CSMD3: variants seen among roughly 807,000 people sequenced by gnomAD.
CSMD3 encodes the protein CUB and sushi domain-containing protein 3.
Under a neutral mutation model 435.2 loss-of-function variants are expected in CSMD3, and 177 were observed. The observed-to-expected ratio is 0.41, with a 90% CI of 0.36 to 0.46. The LOEUF is 0.46. CSMD3 is among the 20% of genes least tolerant of loss of function. The probability of loss-of-function intolerance (pLI) is 0.34; values close to 1 mark genes in which losing one functional copy is unlikely to be tolerated. For missense variants in CSMD3, 4,265 were observed against 4,504.6 expected, an observed-to-expected ratio of 0.95 and a Z score of 1.52; for synonymous variants, 1,656 against 1,520.5, an observed-to-expected ratio of 1.09 and a Z score of -2.07.
intron 1 of CSMD3, among the ~76,000 whole-genome samples, chr8:113,369,706 A>C (rs574222283): frequency 6.6e-6 from 1 of 152,090 alleles, no homozygotes; most frequent in Non-Finnish European, 1.5e-5. Flanking sequence ...TATATACACA[A>C]TGGAATATTA....
In CSMD3 at chr8:113,303,789, G is replaced by T. The variant is rs1247146556; in HGVS notation, c.401+10782C>A. Among the ~76,000 whole-genome samples the T allele has an allele frequency of 5.0e-5, 7 of 139,386 alleles. 1 individual carries two copies. The South Asian group carries it at 1.2e-3, about 25-fold the overall frequency. The allele number at this position is 139,386 out of a possible 152,430, so 91.4% of individuals were successfully genotyped here. ...AGATGGATTAAAGATTTAAACGTTA[G>T]ACCTAAAACCATAAAAACCCTAGAA... On this transcript the variant is annotated intron_variant, in intron 2 of 70. Transcript: ENST00000297405.
At chr8:113,131,066 A>G (rs1034686753) in intron 4 of CSMD3, among the ~76,000 whole-genome samples, 1 of 152,206 alleles carries the variant, frequency 6.6e-6, no homozygotes, top group African/African-American at 2.4e-5. Flanking sequence ...GCTCATACAC[A>G]TGATGAAAGA....
chr8:113,187,754 T>C (rs774236092), intron 3 of CSMD3, among the ~76,000 whole-genome samples: 1 of 152,012 alleles, frequency 6.6e-6, no homozygotes, highest in Non-Finnish European at 1.5e-5. Context: ...CTTCATCCTA[T>C]TTCAGTTTAA....
At chr8:112,613,966 T>C (rs762661250) in intron 22 of CSMD3, among the ~76,000 whole-genome samples, 1 of 152,138 alleles carries the variant, frequency 6.6e-6, no homozygotes, top group Non-Finnish European at 1.5e-5. Flanking sequence ...TAGAATTTTG[T>C]TTTTATTTAA....
chr8:112,657,836 C>G (rs1014166751), intron 17 of CSMD3, among the ~76,000 whole-genome samples: 1 of 152,126 alleles, frequency 6.6e-6, no homozygotes, highest in Non-Finnish European at 1.5e-5. Context: ...TATTTTATTT[C>G]CTATTCTACT....
intron 1 of CSMD3, among the ~76,000 whole-genome samples, chr8:113,377,412 T>C (rs1361151741): frequency 6.6e-6 from 1 of 152,222 alleles, no homozygotes; most frequent in African/African-American, 2.4e-5. Context: ...GATTTATCTA[T>C]TTCTTATCAA....
At chr8:113,295,148 C>A (rs1382193332) in intron 2 of CSMD3, among the ~76,000 whole-genome samples, 1 of 152,012 alleles carries the variant, frequency 6.6e-6, no homozygotes, top group East Asian at 1.9e-4. Context: ...CATTCATCAC[C>A]CCAAGCATTT....
chr8:112,799,274 T>C (rs763371517), intron 13 of CSMD3, among the ~76,000 whole-genome samples: 4 of 151,880 alleles, frequency 2.6e-5, no homozygotes, highest in Non-Finnish European at 4.4e-5. Flanking sequence ...CATTTTCATG[T>C]GTCCAGAATC....
At chr8:113,161,341 G>A (rs933054473) in intron 4 of CSMD3, among the ~76,000 whole-genome samples, 1 of 152,126 alleles carries the variant, frequency 6.6e-6, no homozygotes, top group Admixed American at 6.6e-5. Flanking sequence ...ATCTATTCCA[G>A]TGTAAAGTTT....
chr8:113,064,458 A>G (rs2088763553), intron 5 of CSMD3, among the ~76,000 whole-genome samples: 1 of 152,188 alleles, frequency 6.6e-6, no homozygotes, highest in Non-Finnish European at 1.5e-5. Context: ...TAAATTATGC[A>G]AAACTTGGGG....
intron 10 of CSMD3, among the ~76,000 whole-genome samples, chr8:112,892,709 A>G (rs945273911): frequency 6.6e-6 from 1 of 151,490 alleles, no homozygotes; most frequent in Non-Finnish European, 1.5e-5. Context: ...CACTACTTAA[A>G]TGGCATCTCA....
chr8:112,315,903 G>A (rs1226680905), intron 47 of CSMD3, among the ~76,000 whole-genome samples: 1 of 151,818 alleles, frequency 6.6e-6, no homozygotes, highest in Non-Finnish European at 1.5e-5. Flanking sequence ...ATTTGAATGA[G>A]TTGGGATTGA....
intron 10 of CSMD3, among the ~76,000 whole-genome samples, chr8:112,875,086 T>C (rs2081243339): frequency 6.6e-6 from 1 of 152,212 alleles, no homozygotes; most frequent in African/African-American, 2.4e-5. Flanking sequence ...TAGTCCTTCC[T>C]TCAGGAGCTC....
intron 22 of CSMD3, 42 bp from the exon 23 acceptor site, chr8:112,587,277 G>A (rs982054206): frequency 7.0e-7 from 1 of 1,421,278 alleles, no homozygotes; most frequent in Non-Finnish European, 9.9e-7. Context: ...TTAATAGATA[G>A]CAGTATCATT....
In CSMD3 at chr8:112,406,537, T is replaced by A. The variant is rs770961712; in HGVS notation, c.5796A>T (p.Leu1932Phe). 5.6e-6 allele frequency: 9 copies of A among 1,606,602 alleles called. No homozygotes were observed. The African/African-American group carries it at 1.1e-4, about 19-fold the overall frequency. ...TTATATACTCACCAATACAAGTAGG[T>A]AAGGAATCATTCCACTGGGCCAAAG... is the stretch of plus-strand genomic sequence containing the variant. ...PNSLAQWNDS[L>F]PTCIVPCGGI... The change falls in exon 35 of 71, where the codon TTA (leucine) becomes TTT (phenylalanine). Residue 1932 changes from leucine (L) to phenylalanine (F), a missense_variant. Leu to Phe is a conservative substitution (Grantham distance 22, BLOSUM62 0). This residue lies in a region of CSMD3 where 3,255 missense variants were observed against 3,380.2 expected (regional missense o/e 0.96). Transcript: ENST00000297405.
intron 3 of CSMD3, among the ~76,000 whole-genome samples, chr8:113,227,400 A>G (rs542589692): frequency 3.2e-4 from 49 of 151,754 alleles, no homozygotes; most frequent in African/African-American, 1.2e-3. Context: ...AAATTAAGAT[A>G]TTGAATCTCT....
intron 64 of CSMD3, 131 bp downstream of exon 64, chr8:112,246,889 A>T: frequency 1.4e-6 from 1 of 722,972 alleles, no homozygotes; most frequent in Non-Finnish European, 2.5e-6. Flanking sequence ...AATTATATGC[A>T]TATAATATGT....
At chr8:113,229,148 A>G (rs1312444257) in intron 3 of CSMD3, among the ~76,000 whole-genome samples, 2 of 151,680 alleles carry the variant, frequency 1.3e-5, no homozygotes, top group African/African-American at 4.8e-5. Flanking sequence ...TTTCTGTTTC[A>G]ATAATGTATG....
chr8:112,930,547 A>G (rs2083072366), intron 9 of CSMD3, among the ~76,000 whole-genome samples: 2 of 152,116 alleles, frequency 1.3e-5, no homozygotes, highest in Admixed American at 6.6e-5. Flanking sequence ...GTGATGCACA[A>G]TGTTATAAAT....
Sources: allele counts gnomAD v4.1 joint callset (sites outside exome capture counted in the v4.1 genomes callset), GRCh38; gene constraint gnomAD v4.1.1; regional missense constraint gnomAD v4.1.1; transcripts MANE v1.5; gene names NCBI Gene and HGNC (gene_info 2026-07-23, HGNC 2026-07-21).